PARP8: variants seen among roughly 807,000 people sequenced by gnomAD.
PARP8 encodes poly(ADP-ribose) polymerase family member 8.
Under a neutral mutation model 124.1 loss-of-function variants are expected in PARP8, and 51 were observed. The observed-to-expected ratio is 0.41, with a 90% CI of 0.33 to 0.52. The LOEUF (loss-of-function observed/expected upper bound fraction) is 0.52. PARP8 is among the 20% of genes least tolerant of loss of function. The pLI is 0.21. For synonymous variants in PARP8, 391 were observed against 361.5 expected (o/e 1.08, Z -0.93); for missense variants, 860 against 1,018.9 (o/e 0.84, Z 2.12).
At chr5:50,710,256 A>G (rs1410019273) in intron 2 of PARP8, among the ~76,000 whole-genome samples, 1 of 151,882 alleles carries the variant, frequency 6.6e-6, no homozygotes, top group Non-Finnish European at 1.5e-5. Context: ...TGCTGCTGTT[A>G]TCATAGGGAG....
intron 14 of PARP8, among the ~76,000 whole-genome samples, chr5:50,811,802 T>C (rs1306867490): frequency 2.6e-5 from 4 of 152,116 alleles, no homozygotes; most frequent in East Asian, 1.9e-4. Context: ...AGTGTTCTCA[T>C]TGTTCAATTC....
chr5:50,704,663 C>T (rs1753948766), intron 2 of PARP8, among the ~76,000 whole-genome samples: 1 of 152,134 alleles, frequency 6.6e-6, no homozygotes, highest in South Asian at 2.1e-4. Flanking sequence ...TAACATATCT[C>T]ATGAACATTG....
chr5:50,681,624 A>T (rs1751302415), intron 2 of PARP8, among the ~76,000 whole-genome samples: 1 of 152,214 alleles, frequency 6.6e-6, no homozygotes, highest in Admixed American at 6.5e-5. Flanking sequence ...TTGCTCCAAA[A>T]TAAAATGAAA....
intron 14 of PARP8, among the ~76,000 whole-genome samples, chr5:50,799,443 A>G (rs1237357177): frequency 6.6e-6 from 1 of 152,198 alleles, no homozygotes; most frequent in Non-Finnish European, 1.5e-5. Flanking sequence ...TCCTTAGGCC[A>G]GTACCACATT....
chr5:50,701,637 G>A (rs923909833), intron 2 of PARP8, among the ~76,000 whole-genome samples: 47 of 152,080 alleles, frequency 3.1e-4, no homozygotes, highest in African/African-American at 1.1e-3. Context: ...AATTCATGAG[G>A]TTGTTAAAGA....
chr5:50,758,684 T>C (rs1375315361), intron 3 of PARP8, among the ~76,000 whole-genome samples: 1 of 152,190 alleles, frequency 6.6e-6, no homozygotes, highest in Non-Finnish European at 1.5e-5. Flanking sequence ...GAGTGCATTA[T>C]AGGACCATTA....
chr5:50,714,124 T>C (rs2149492726), intron 2 of PARP8, among the ~76,000 whole-genome samples: 1 of 151,590 alleles, frequency 6.6e-6, no homozygotes, highest in East Asian at 1.9e-4. Flanking sequence ...AAGCACAAAG[T>C]TTATTTTGAG....
At chr5:50,707,250 A>G (rs1335159719) in intron 2 of PARP8, among the ~76,000 whole-genome samples, 1 of 152,108 alleles carries the variant, frequency 6.6e-6, no homozygotes, top group African/African-American at 2.4e-5. Context: ...TTCAATTAAC[A>G]TAAAGATATA....
rs185904108 is a variant in PARP8, at chr5:50,832,720, T to A, written c.2234-61T>A. The A allele has an allele frequency of 1.0e-5, 16 of 1,530,756 alleles. No individual in the cohort carries two copies. In the East Asian group the frequency reaches 3.4e-4, roughly 32 times the overall value. The allele number at this position is 1,530,756 out of a possible 1,614,324, so 94.8% of individuals were successfully genotyped here. On this transcript the variant is annotated intron_variant, in intron 22 of 25. Transcript: ENST00000281631. ...ATGGAACTTTGCATAGTAGGTCGAT[T>A]GTACTTTCAGCTGCATCAGACAGCT...
chr5:50,805,656 G>T (rs1743750866), intron 14 of PARP8, among the ~76,000 whole-genome samples: 1 of 152,036 alleles, frequency 6.6e-6, no homozygotes, highest in Non-Finnish European at 1.5e-5. Context: ...AACTTGGAAA[G>T]CAATAATTTT....
chr5:50,736,951 TC>T (rs1404497882), intron 2 of PARP8, among the ~76,000 whole-genome samples: 1 of 152,176 alleles, frequency 6.6e-6, no homozygotes, highest in Non-Finnish European at 1.5e-5. Context: ...AATTAACTTT[TC>T]CTCTGAAATT....
intron 2 of PARP8, among the ~76,000 whole-genome samples, chr5:50,694,994 C>T (rs1210883842): frequency 6.6e-6 from 1 of 152,190 alleles, no homozygotes; most frequent in Non-Finnish European, 1.5e-5. Flanking sequence ...AGCAAGTCGG[C>T]TTTGTTCTAG....
intron 15 of PARP8, among the ~76,000 whole-genome samples, chr5:50,816,143 A>T (rs1745078179): frequency 6.6e-6 from 1 of 152,202 alleles, no homozygotes; most frequent in African/African-American, 2.4e-5. Flanking sequence ...CGTTTTAACA[A>T]AATATAGTAT....
intron 2 of PARP8, among the ~76,000 whole-genome samples, chr5:50,719,918 T>G (rs1755704277): frequency 1.3e-5 from 2 of 152,104 alleles, no homozygotes. Flanking sequence ...AGTTTTATGC[T>G]GTTAATTGAA....
chr5:50,746,429 T>C (rs955730909), intron 2 of PARP8, among the ~76,000 whole-genome samples: 2 of 152,222 alleles, frequency 1.3e-5, no homozygotes, highest in African/African-American at 2.4e-5. Flanking sequence ...TAATGTCAGT[T>C]TCCAGGATTT....
Position 50,821,246 on chromosome 5 carries a change from G to A in PARP8, c.1702G>A (p.Ala568Thr). 1 of 1,610,846 alleles carries A rather than the reference G, an allele frequency of 6.2e-7. No homozygotes were observed. Among genetic ancestry groups the A allele is most frequent in the Non-Finnish European group, 8.5e-7 (1 of 1,178,536 alleles). The change falls in exon 16 of 26, where the codon GCG becomes ACG. Residue 568 changes from alanine (A) to threonine (T), a missense_variant. Physicochemically the swap from Ala to Thr is moderately conservative, Grantham distance 58. Transcript: ENST00000281631. ...VDLLVSMCRS[A>T]LESPRKVVIF... ...TCTACTAGTATCCATGTGTAGGTCT[G>A]CGTTGGAATCTCCTAGAAAAGTTGT...
intron 15 of PARP8, 107 bp from the exon 16 acceptor site, chr5:50,821,106 A>C (rs1745715851): frequency 1.6e-6 from 2 of 1,272,064 alleles, no homozygotes; most frequent in Non-Finnish European, 2.2e-6. Flanking sequence ...GATTGGTAGC[A>C]GTCCTGATCT....
intron 7 of PARP8, among the ~76,000 whole-genome samples, chr5:50,764,202 C>T (rs1468323339): frequency 1.3e-5 from 2 of 152,166 alleles, no homozygotes; most frequent in Admixed American, 6.5e-5. Context: ...ATTTGGCTTA[C>T]GTCTCCCCCT....
At chr5:50,724,344 A>G (rs1352379307) in intron 2 of PARP8, among the ~76,000 whole-genome samples, 2 of 152,174 alleles carry the variant, frequency 1.3e-5, no homozygotes, top group Non-Finnish European at 2.9e-5. Flanking sequence ...TGCATTTAAA[A>G]TAAATTATAG....
Sources: allele counts gnomAD v4.1 joint callset (sites outside exome capture counted in the v4.1 genomes callset), GRCh38; gene constraint gnomAD v4.1.1; transcripts MANE v1.5; gene names NCBI Gene and HGNC (gene_info 2026-07-23, HGNC 2026-07-21).